The following VEPH1 variants were observed in gnomAD, a reference collection of about 807,000 sequenced individuals.
The protein encoded by VEPH1 is ventricular zone-expressed PH domain-containing protein homolog 1.
VEPH1 carries 80 observed loss-of-function variants against 85.2 expected under a neutral mutation model. The observed-to-expected ratio is 0.94, with a 90% CI of 0.78 to 1.13. The LOEUF (loss-of-function observed/expected upper bound fraction) is 1.13. VEPH1 is among the 50% of genes most tolerant of loss of function. The probability of loss-of-function intolerance (pLI) is 0.00; values close to 1 mark genes in which losing one functional copy is unlikely to be tolerated. For missense variants in VEPH1, 955 were observed against 980.5 expected, an observed-to-expected ratio of 0.97 and a Z score of 0.35; for synonymous variants, 297 against 348.0, an observed-to-expected ratio of 0.85 and a Z score of 1.63.
intron 11 of VEPH1, among the ~76,000 whole-genome samples, chr3:157,292,525 C>G (rs9838992): frequency 6.6e-6 from 1 of 151,572 alleles, no homozygotes; most frequent in Non-Finnish European, 1.5e-5. Context: ...AACCTCGTTT[C>G]TACTAAAAAT....
chr3:157,267,635 A>T (rs1713921031), intron 12 of VEPH1, among the ~76,000 whole-genome samples: 1 of 151,948 alleles, frequency 6.6e-6, no homozygotes, highest in Non-Finnish European at 1.5e-5. Flanking sequence ...AAATACAAAA[A>T]TTAGCTGGGT....
rs1553761055 is a variant in VEPH1 at position 157,304,023 on chromosome 3, T to TATATATATATATATATATATATATATA, written c.2010+9597_2010+9598insTATATATATATATATATATATATATAT. Among the ~76,000 whole-genome samples, 12 of 89,118 alleles carry TATATATATATATATATATATATATATA rather than the reference T, an allele frequency of 1.3e-4. 1 individual carries two copies. The highest frequency in any genetic ancestry group is 2.6e-4 in the Admixed American group (2 of 7,770). The allele number at this position is 89,118 out of a possible 152,430, so 58.5% of individuals were successfully genotyped here. A position where few individuals can be genotyped will look rare whatever the true frequency, so the allele number is the denominator to read the frequency against. On this transcript the variant is annotated intron_variant, in intron 11 of 13. Coordinates refer to ENST00000362010, the MANE Select transcript of VEPH1 (RefSeq NM_001167912.2). The stretch of plus-strand genomic sequence containing the variant: ...ACTTAAATTTCTCATCTTATATTTT[T>TATATATATATATATATATATATATATA]TATATATATATATATACACACATAC...
At chr3:157,292,983 CAAAAAAA>C (rs11349713) in intron 11 of VEPH1, among the ~76,000 whole-genome samples, 6 of 110,090 alleles carry the variant, frequency 5.5e-5, no homozygotes, top group South Asian at 2.9e-4. Context: ...AACTCCACCT[CAAAAAAA>C]AAAAAAAAAG....
Position 157,447,617 on chromosome 3 carries a change from T to C in VEPH1, c.529+12564A>G, listed in dbSNP as rs577906263. Among the ~76,000 whole-genome samples, 236 of 144,794 alleles carry C rather than the reference T, an allele frequency of 1.6e-3. 4 individuals are homozygous for C. The East Asian group carries it at 0.034, about 21-fold the overall frequency. The allele number at this position is 144,794 out of a possible 152,430, so 95.0% of individuals were successfully genotyped here. On this transcript the variant is annotated intron_variant, in intron 4 of 13. Coordinates refer to ENST00000362010, the MANE Select transcript of VEPH1 (RefSeq NM_001167912.2). The stretch of plus-strand genomic sequence containing the variant: ...ATCTTTTTTTTTTTTTTTTTTGAAA[T>C]GGAGTCTCACTCTGTCTCCCAGGCT...
intron 9 of VEPH1, among the ~76,000 whole-genome samples, chr3:157,327,310 A>G (rs1173634261): frequency 6.6e-6 from 1 of 152,174 alleles, no homozygotes; most frequent in Non-Finnish European, 1.5e-5. Flanking sequence ...ATTTTTATCC[A>G]AAGGAAAGAT....
At chr3:157,366,497 G>A (rs1436465284) in intron 7 of VEPH1, among the ~76,000 whole-genome samples, 1 of 152,160 alleles carries the variant, frequency 6.6e-6, no homozygotes, top group African/African-American at 2.4e-5. Context: ...CACTTTGGGA[G>A]GCCGAGGTGG....
At chr3:157,320,474 A>G (rs1412301706) in intron 9 of VEPH1, among the ~76,000 whole-genome samples, 1 of 152,166 alleles carries the variant, frequency 6.6e-6, no homozygotes, top group African/African-American at 2.4e-5. Flanking sequence ...AATTCCAGAT[A>G]GTATGTTTAG....
chr3:157,320,886 T>C (rs1310724319), intron 9 of VEPH1, among the ~76,000 whole-genome samples: 1 of 152,116 alleles, frequency 6.6e-6, no homozygotes, highest in African/African-American at 2.4e-5. Flanking sequence ...CCACTCCTCC[T>C]CCACGATGCC....
At chr3:157,420,047 T>A (rs181270206) in intron 5 of VEPH1, among the ~76,000 whole-genome samples, 245 of 152,082 alleles carry the variant, frequency 1.6e-3, no homozygotes, top group African/African-American at 5.4e-3. Context: ...CTGGAAGCCA[T>A]TATCCTCAGC....
At position 157,363,843 on chromosome 3, in the gene VEPH1, CA is replaced by C. The variant is rs534472685; in HGVS notation, c.1338-83del. On this transcript the variant is annotated intron_variant, in intron 8 of 13. Coordinates refer to ENST00000362010, the MANE Select transcript of VEPH1 (RefSeq NM_001167912.2). The stretch of plus-strand genomic sequence containing the variant: ...AAAAGAAATAATAATAATATTGGGA[CA>C]AAAAGTTACTTCCTCTGGAGTGTGA... The C allele has an allele frequency of 3.5e-4, 517 of 1,485,188 alleles. 1 individual carries two copies. In the African/African-American group the frequency reaches 6.5e-3, roughly 19 times the overall value. The allele number at this position is 1,485,188 out of a possible 1,614,324, so 92.0% of individuals were successfully genotyped here. A position where few individuals can be genotyped will look rare whatever the true frequency, so the allele number is the denominator to read the frequency against.
chr3:157,398,869 A>G (rs1730617600), intron 6 of VEPH1, among the ~76,000 whole-genome samples: 1 of 152,056 alleles, frequency 6.6e-6, no homozygotes, highest in South Asian at 2.1e-4. Flanking sequence ...TCTGGGCCCC[A>G]CTCAAAACTA....
intron 9 of VEPH1, among the ~76,000 whole-genome samples, chr3:157,333,572 T>C (rs550239189): frequency 5.3e-5 from 8 of 152,334 alleles, no homozygotes; most frequent in African/African-American, 1.9e-4. Flanking sequence ...ACTAATGTAG[T>C]TGATTTCTGG....
chr3:157,275,323 C>G lies in VEPH1; in HGVS notation c.2129-9661G>C, dbSNP rs560352971. 2.1e-3 allele frequency among the ~76,000 whole-genome samples: 322 copies of G among 152,264 alleles called. 1 individual carries two copies. Among genetic ancestry groups the G allele is most frequent in the African/African-American group, 7.4e-3 (306 of 41,550 alleles). On this transcript the variant is annotated intron_variant, in intron 12 of 13. Transcript: ENST00000362010. ...AGGCAAGGTGGCTCACCCCTGTAAT[C>G]GCAGCACTTTGGGAGGCTGAGGCGG... is the stretch of plus-strand genomic sequence containing the variant.
intron 9 of VEPH1, among the ~76,000 whole-genome samples, chr3:157,336,633 T>C (rs1722993500): frequency 6.6e-6 from 1 of 152,170 alleles, no homozygotes; most frequent in Non-Finnish European, 1.5e-5. Context: ...GAGATAAACA[T>C]GTTCAATCAG....
intron 5 of VEPH1, among the ~76,000 whole-genome samples, chr3:157,426,957 G>A (rs915528312): frequency 6.0e-5 from 9 of 150,714 alleles, no homozygotes; most frequent in East Asian, 1.9e-4. Context: ...ACAGGCTCCC[G>A]CCACTGCACC....
chr3:157,261,399 G>A (rs1165964754), intron 13 of VEPH1, 29 bp from the exon 14 acceptor site: 2 of 1,609,822 alleles, frequency 1.2e-6, no homozygotes, highest in Non-Finnish European at 1.7e-6. Context: ...AAAGAACATG[G>A]GCTGGCTGTT....
At chr3:157,407,839 G>T (rs575709625) in intron 6 of VEPH1, among the ~76,000 whole-genome samples, 1 of 152,196 alleles carries the variant, frequency 6.6e-6, no homozygotes, top group East Asian at 1.9e-4. Context: ...GTTCCACATG[G>T]GTTAACTCAT....
intron 4 of VEPH1, among the ~76,000 whole-genome samples, chr3:157,439,829 C>A (rs903211422): frequency 6.6e-6 from 1 of 152,228 alleles, no homozygotes; most frequent in Non-Finnish European, 1.5e-5. Flanking sequence ...CGGCTCACTG[C>A]AAGCTCCGCC....
At chr3:157,313,841 C>A in intron 10 of VEPH1, 86 bp from the exon 11 acceptor site, 1 of 1,508,588 alleles carries the variant, frequency 6.6e-7, no homozygotes, top group South Asian at 1.2e-5. Flanking sequence ...ACTGTTTAGG[C>A]TTGGTTTGAA....
Sources: allele counts gnomAD v4.1 joint callset (sites outside exome capture counted in the v4.1 genomes callset), GRCh38; gene constraint gnomAD v4.1.1; transcripts MANE v1.5; gene names NCBI Gene and HGNC (gene_info 2026-07-23, HGNC 2026-07-21).